The following MTMR2 variants were observed in gnomAD, a reference collection of about 807,000 sequenced individuals.
MTMR2 encodes phosphatidylinositol-3,5-bisphosphate 3-phosphatase MTMR2.
In MTMR2, 55 loss-of-function variants were observed where a neutral mutation model predicts 86.9. That is an observed-to-expected ratio of 0.63 (90% confidence interval 0.51 to 0.79). MTMR2 has a LOEUF of 0.79. Ranked by LOEUF, MTMR2 falls within the 30% of genes least tolerant of loss-of-function variation. The pLI is 0.00. For missense variants in MTMR2, 659 were observed against 772.3 expected (o/e 0.85, Z 1.74); for synonymous variants, 241 against 266.8 (o/e 0.90, Z 0.94).
At chr11:95,845,530 G>C (rs568878) in intron 10 of MTMR2, among the ~76,000 whole-genome samples, 1 of 151,780 alleles carries the variant, frequency 6.6e-6, no homozygotes, top group African/African-American at 2.4e-5. Flanking sequence ...TTGAAGCCTT[G>C]TTATGATTTA....
chr11:95,841,005 T>A (rs1316335502), intron 12 of MTMR2, among the ~76,000 whole-genome samples: 4 of 152,162 alleles, frequency 2.6e-5, no homozygotes, highest in African/African-American at 9.7e-5. Flanking sequence ...ATTAATAAAG[T>A]GATCTCACAA....
intron 11 of MTMR2, among the ~76,000 whole-genome samples, 153 bp downstream of exon 11, chr11:95,844,800 A>T (rs1353152808): frequency 6.6e-6 from 1 of 152,092 alleles, no homozygotes; most frequent in Non-Finnish European, 1.5e-5. Flanking sequence ...CATGTTAGGG[A>T]TATCTTAATG....
intron 13 of MTMR2, 150 bp from the exon 14 acceptor site, chr11:95,836,474 A>G: frequency 1.4e-6 from 1 of 728,852 alleles, no homozygotes; most frequent in South Asian, 1.5e-5. Context: ...TTATATTAAG[A>G]TCAGAGGGTA....
intron 2 of MTMR2, among the ~76,000 whole-genome samples, chr11:95,869,666 A>G (rs1864776357): frequency 6.6e-6 from 1 of 152,206 alleles, no homozygotes; most frequent in Non-Finnish European, 1.5e-5. Context: ...CAATATTCCA[A>G]AGAGTCTGAC....
intron 2 of MTMR2, among the ~76,000 whole-genome samples, chr11:95,876,961 T>C (rs1012188273): frequency 2.0e-5 from 3 of 152,112 alleles, no homozygotes; most frequent in Non-Finnish European, 2.9e-5. Context: ...GGTTAGATGG[T>C]AGAAAAATAG....
chr11:95,834,076 T>A lies in MTMR2; in HGVS notation c.*1214A>T, dbSNP rs1863144949. ...TGGGGAAAAAAAAGAAATGGCAACT[T>A]TGGACAAGAACAAAGTTTAAAAGTC... On this transcript the variant is annotated 3_prime_UTR_variant, in exon 15 of 15. Coordinates refer to ENST00000346299, the MANE Select transcript of MTMR2 (RefSeq NM_016156.6). The A allele has an allele frequency of 6.6e-6, 1 of 152,492 alleles. No homozygotes were observed. The highest frequency in any genetic ancestry group is 6.6e-5 in the Admixed American group (1 of 15,236). The allele number at this position is 152,492 out of a possible 1,614,324, so 9.4% of individuals were successfully genotyped here.
chr11:95,864,614 G>A (rs953632861), intron 3 of MTMR2, among the ~76,000 whole-genome samples: 1 of 151,898 alleles, frequency 6.6e-6, no homozygotes, highest in Non-Finnish European at 1.5e-5. Context: ...AGCCAATTCT[G>A]AAAAAATGTA....
chr11:95,903,541 T>C (rs1309615704), intron 1 of MTMR2, among the ~76,000 whole-genome samples: 2 of 152,212 alleles, frequency 1.3e-5, no homozygotes, highest in African/African-American at 4.8e-5. Flanking sequence ...TTACCTCAAC[T>C]AGACCCTTAA....
At chr11:95,880,970 G>A (rs1865300925) in intron 2 of MTMR2, among the ~76,000 whole-genome samples, 1 of 151,982 alleles carries the variant, frequency 6.6e-6, no homozygotes, top group South Asian at 2.1e-4. Context: ...TTCTTTAAAA[G>A]TTAATACCTT....
chr11:95,855,861 A>C (rs1864191104), intron 7 of MTMR2, among the ~76,000 whole-genome samples: 1 of 152,228 alleles, frequency 6.6e-6, no homozygotes, highest in Non-Finnish European at 1.5e-5. Context: ...TCTGAGTGTG[A>C]GAGTAAGAAC....
At chr11:95,878,127 A>T (rs1865191003) in intron 2 of MTMR2, among the ~76,000 whole-genome samples, 1 of 150,314 alleles carries the variant, frequency 6.7e-6, no homozygotes, top group Non-Finnish European at 1.5e-5. Flanking sequence ...GAAATTAGCT[A>T]TCAAGCCATG....
At chr11:95,919,906 C>T (rs1866852031) in intron 1 of MTMR2, among the ~76,000 whole-genome samples, 1 of 151,862 alleles carries the variant, frequency 6.6e-6, no homozygotes, top group African/African-American at 2.4e-5. Context: ...CAAAGAAACC[C>T]ACTAAAGCAG....
intron 1 of MTMR2, chr11:95,914,168 T>C: frequency 3.1e-6 from 3 of 983,474 alleles, no homozygotes; most frequent in Non-Finnish European, 3.6e-6. Flanking sequence ...TTTGGGATAA[T>C]ATATAATCCA....
intron 2 of MTMR2, among the ~76,000 whole-genome samples, chr11:95,869,809 A>G (rs919581497): frequency 6.6e-6 from 1 of 151,414 alleles, no homozygotes; most frequent in African/African-American, 2.5e-5. Context: ...GACAGTCCAT[A>G]TCGTATGGGT....
At chr11:95,909,299 T>G (rs1316087770) in intron 1 of MTMR2, among the ~76,000 whole-genome samples, 1 of 152,188 alleles carries the variant, frequency 6.6e-6, no homozygotes, top group East Asian at 1.9e-4. Context: ...CTTATTTTTT[T>G]GCTGTTGTTT....
intron 1 of MTMR2, among the ~76,000 whole-genome samples, chr11:95,904,382 G>A (rs1016647747): frequency 2.0e-5 from 3 of 152,182 alleles, no homozygotes; most frequent in African/African-American, 4.8e-5. Flanking sequence ...ATATGTCAGA[G>A]GTGTTTGAAC....
chr11:95,881,920 CATT>C (rs1302539376), intron 2 of MTMR2, among the ~76,000 whole-genome samples: 2 of 152,206 alleles, frequency 1.3e-5, no homozygotes, highest in South Asian at 4.1e-4. Context: ...AGTATTTCAT[CATT>C]AAGTATGAGG....
intron 12 of MTMR2, among the ~76,000 whole-genome samples, 170 bp from the exon 13 acceptor site, chr11:95,838,377 T>G (rs1405397896): frequency 6.6e-6 from 1 of 152,064 alleles, no homozygotes; most frequent in Non-Finnish European, 1.5e-5. Flanking sequence ...TCAAAAATCA[T>G]GTTATCACTT....
Position 95,836,015 on chromosome 11 carries a change from A to T in MTMR2, c.1770+133T>A, listed in dbSNP as rs1000960006. ...TGCCCCAGTGTAGTATTTTTCTACTATACGATTGTTAACTATCAATGGGTA... is the reference window on the plus strand; with the variant it reads ...TGCCCCAGTGTAGTATTTTTCTACTTTACGATTGTTAACTATCAATGGGTA... On this transcript the variant is annotated intron_variant, in intron 14 of 14. Coordinates refer to ENST00000346299, the MANE Select transcript of MTMR2 (RefSeq NM_016156.6). 9.3e-5 allele frequency: 85 copies of T among 914,344 alleles called. 1 individual carries two copies. The highest frequency in any genetic ancestry group is 1.3e-4 in the Non-Finnish European group (74 of 557,644). 56.6% of individuals were successfully genotyped at this position (914,344 alleles called of 1,614,324 possible). A position where few individuals can be genotyped will look rare whatever the true frequency, so the allele number is the denominator to read the frequency against.
Sources: allele counts gnomAD v4.1 joint callset (sites outside exome capture counted in the v4.1 genomes callset), GRCh38; gene constraint gnomAD v4.1.1; transcripts MANE v1.5; gene names NCBI Gene and HGNC (gene_info 2026-07-23, HGNC 2026-07-21).